Variants in STK3 observed in about 807,000 individuals in gnomAD.
STK3 encodes the protein serine/threonine-protein kinase 3.
In STK3, 41 loss-of-function variants were observed where a neutral mutation model predicts 58.0. The observed-to-expected ratio is 0.71, with a 90% CI of 0.55 to 0.92. The LOEUF is 0.92. Among genes scored for constraint, STK3 ranks in the 40% least tolerant of loss-of-function variants. The probability of loss-of-function intolerance (pLI) is 0.00; values close to 1 mark genes in which losing one functional copy is unlikely to be tolerated. For synonymous variants in STK3, 170 were observed against 191.0 expected, an observed-to-expected ratio of 0.89 and a Z score of 0.91; for missense variants, 479 against 602.7, an observed-to-expected ratio of 0.79 and a Z score of 2.15.
chr8:98,398,325 C>T (rs1563592267), downstream of STK3, among the ~76,000 whole-genome samples: 1 of 152,160 alleles, frequency 6.6e-6, no homozygotes, highest in Non-Finnish European at 1.5e-5. Flanking sequence ...AGTTAAGGAA[C>T]ATCAAAATTA....
intron 1 of STK3, among the ~76,000 whole-genome samples, chr8:98,815,314 G>A (rs997920606): frequency 2.6e-4 from 39 of 152,134 alleles, no homozygotes; most frequent in African/African-American, 9.4e-4. Context: ...AATATCCATA[G>A]TTTGAAAGAA....
rs527415772 is a variant in STK3 at position 98,825,544 on chromosome 8, G to A, written c.-4C>T. The A allele has an allele frequency of 2.0e-5, 29 of 1,456,868 alleles. No homozygotes were observed. The highest frequency in any genetic ancestry group is 2.1e-4 in the Middle Eastern group (1 of 4,772). 90.2% of individuals were successfully genotyped at this position (1,456,868 alleles called of 1,614,324 possible). ...TAGGCGCCGGCGGCTGCTCCATGGC[G>A]GCCGGGGACAGAGAGAGGGACCTGG... On this transcript the variant is annotated 5_prime_UTR_variant, in exon 1 of 11. Coordinates refer to ENST00000419617, the MANE Select transcript of STK3 (RefSeq NM_006281.4).
intron 1 of STK3, among the ~76,000 whole-genome samples, chr8:98,895,974 T>C (rs1242910130): frequency 6.6e-6 from 1 of 152,216 alleles, no homozygotes; most frequent in Non-Finnish European, 1.5e-5. Flanking sequence ...GTAAAATTTA[T>C]AGCCTAGATG....
At chr8:98,464,540 T>TAAAAAAA in intron 10 of STK3, among the ~76,000 whole-genome samples, 339 of 69,082 alleles carry the variant, frequency 4.9e-3, no homozygotes, top group African/African-American at 6.4e-3. Context: ...TACTTAAAGT[T>TAAAAAAA]AAAAAAAAAA....
intron 1 of STK3, among the ~76,000 whole-genome samples, chr8:98,927,439 G>T (rs147012777): frequency 2.0e-5 from 3 of 152,186 alleles, no homozygotes. Flanking sequence ...CCAGAGATAC[G>T]CATATGGCAC....
chr8:98,351,889 G>A, the STK3 span, among the ~76,000 whole-genome samples: 1 of 152,190 alleles, frequency 6.6e-6, no homozygotes, highest in Admixed American at 6.5e-5. Context: ...GCTGGGCGTG[G>A]TGCCTCACGC....
the STK3 span, among the ~76,000 whole-genome samples, chr8:98,344,887 C>T: frequency 0.013 from 1,343 of 104,582 alleles, 31 homozygotes; most frequent in African/African-American, 0.05. Flanking sequence ...AGCGAGACTC[C>T]GTCTCAAAAA....
intron 10 of STK3, among the ~76,000 whole-genome samples, chr8:98,459,273 T>C (rs1433735545): frequency 6.6e-6 from 1 of 152,200 alleles, no homozygotes; most frequent in Non-Finnish European, 1.5e-5. Flanking sequence ...CTGTGAAACT[T>C]TGAACTTGAA....
At chr8:98,672,267 T>G in intron 6 of STK3, among the ~76,000 whole-genome samples, 1 of 140,466 alleles carries the variant, frequency 7.1e-6, no homozygotes, top group African/African-American at 2.7e-5. Context: ...TGTGGGGGGT[T>G]AGGGGGTTAG....
At chr8:98,841,004 T>C (rs1314800917) in intron 3 of STK3, among the ~76,000 whole-genome samples, 1 of 152,226 alleles carries the variant, frequency 6.6e-6, no homozygotes, top group Non-Finnish European at 1.5e-5. Flanking sequence ...TTACTACCAG[T>C]TGGCCTTTGA....
intron 8 of STK3, among the ~76,000 whole-genome samples, chr8:98,573,268 C>T (rs969755909): frequency 3.3e-5 from 5 of 152,042 alleles, no homozygotes; most frequent in Non-Finnish European, 5.9e-5. Flanking sequence ...TGAAGGAATA[C>T]CTGGGTAATT....
At chr8:98,517,536 G>T (rs554741440) in intron 10 of STK3, among the ~76,000 whole-genome samples, 1 of 152,168 alleles carries the variant, frequency 6.6e-6, no homozygotes, top group East Asian at 1.9e-4. Flanking sequence ...ATGGAAGTCA[G>T]TTATAGAAAG....
chr8:98,837,118 C>T (rs758106222), intron 3 of STK3, among the ~76,000 whole-genome samples: 3 of 152,066 alleles, frequency 2.0e-5, no homozygotes, highest in Non-Finnish European at 4.4e-5. Flanking sequence ...CCCGGAGGTA[C>T]CTGGATCACA....
At chr8:98,835,278 C>T (rs1161486681) in intron 3 of STK3, among the ~76,000 whole-genome samples, 1 of 152,200 alleles carries the variant, frequency 6.6e-6, no homozygotes, top group African/African-American at 2.4e-5. Context: ...TCATTGCCTG[C>T]TCTGTTAAAA....
chr8:98,499,346 T>C (rs1438180756), intron 10 of STK3, among the ~76,000 whole-genome samples: 2 of 152,214 alleles, frequency 1.3e-5, no homozygotes. Context: ...ACCAAGTAAG[T>C]CTGTCATAAT....
chr8:98,728,388 C>A (rs1827935855), intron 4 of STK3, among the ~76,000 whole-genome samples: 2 of 152,104 alleles, frequency 1.3e-5, no homozygotes, highest in African/African-American at 2.4e-5. Flanking sequence ...GGTTGTCTTT[C>A]ATGAAATCTG....
At chr8:98,500,079 C>T (rs1823450519) in intron 10 of STK3, among the ~76,000 whole-genome samples, 1 of 151,974 alleles carries the variant, frequency 6.6e-6, no homozygotes, top group African/African-American at 2.4e-5. Context: ...TGGAGATTAT[C>T]TTGGATTATC....
chr8:98,504,454 C>T (rs1823882067), intron 10 of STK3, among the ~76,000 whole-genome samples: 1 of 152,076 alleles, frequency 6.6e-6, no homozygotes, highest in Non-Finnish European at 1.5e-5. Flanking sequence ...GGTCATTTTG[C>T]CCGTTAGTTG....
chr8:98,723,802 C>T (rs1460317579), intron 4 of STK3, among the ~76,000 whole-genome samples: 2 of 152,054 alleles, frequency 1.3e-5, no homozygotes, highest in Non-Finnish European at 2.9e-5. Context: ...TGCATAAGGT[C>T]TTAAAAATTG....
Sources: gnomAD v4.1 joint callset for allele counts (sites outside exome capture counted in the v4.1 genomes callset) on GRCh38, gnomAD v4.1.1 for gene constraint, MANE v1.5 for transcripts, NCBI Gene and HGNC (gene_info 2026-07-23, HGNC 2026-07-21) for gene names.